The following CLCN3 variants were observed in gnomAD, a reference collection of about 807,000 sequenced individuals.
CLCN3 encodes H(+)/Cl(-) exchange transporter 3.
Under a neutral mutation model 83.4 loss-of-function variants are expected in CLCN3, and 16 were observed. The ratio of observed to expected loss-of-function variants is 0.19; its 90% CI spans 0.13 to 0.29. CLCN3 has a LOEUF of 0.29. Among genes scored for constraint, CLCN3 ranks in the 10% least tolerant of loss-of-function variants. The pLI is 1.00. For missense variants in CLCN3, 544 were observed against 1,006.0 expected, an observed-to-expected ratio of 0.54 and a Z score of 6.21; for synonymous variants, 322 against 346.2, an observed-to-expected ratio of 0.93 and a Z score of 0.78.
chr4:169,720,158 C>T lies in CLCN3; in HGVS notation c.*161C>T. 9.7e-7 allele frequency: 1 copy of T among 1,029,414 alleles called. No individual in the cohort carries two copies. Among genetic ancestry groups the T allele is most frequent in the Admixed American group, 2.4e-5 (1 of 41,666 alleles). The allele number at this position is 1,029,414 out of a possible 1,614,324, so 63.8% of individuals were successfully genotyped here. On this transcript the variant is annotated 3_prime_UTR_variant, in exon 13 of 13. Transcript: ENST00000513761. Reference sequence around the variant, plus strand: ...TTTGCAACATGGTTTGCAAATAATGCTGGTGGAATGGAGGAGTTGTTTGGG... The same window carrying T: ...TTTGCAACATGGTTTGCAAATAATGTTGGTGGAATGGAGGAGTTGTTTGGG...
chr4:169,660,483 G>T (rs1348953542), intron 2 of CLCN3: 51 of 1,289,170 alleles, frequency 4.0e-5, no homozygotes, highest in Non-Finnish European at 4.5e-5. Flanking sequence ...TTCTCTGTTG[G>T]TATGTTTTGC....
intron 12 of CLCN3, among the ~76,000 whole-genome samples, chr4:169,719,466 A>AAAATAAAT (rs901712469): frequency 1.4e-4 from 22 of 152,330 alleles, no homozygotes; most frequent in African/African-American, 5.3e-4. Context: ...TCTGTCTCAA[A>AAAATAAAT]AAATAAATAA....
chr4:169,647,044 A>G (rs1429682930), intron 2 of CLCN3, among the ~76,000 whole-genome samples: 1 of 152,174 alleles, frequency 6.6e-6, no homozygotes, highest in Non-Finnish European at 1.5e-5. Flanking sequence ...TATCAAACAG[A>G]CTACCTACAT....
At chr4:169,663,310 T>G (rs528180847) in intron 2 of CLCN3, among the ~76,000 whole-genome samples, 11,358 of 47,544 alleles carry the variant, frequency 0.24, 1,393 homozygotes, top group African/African-American at 0.38. Context: ...CCTAAGTGGG[T>G]TTTTTTGTTG....
At chr4:169,671,801 G>C (rs1481079628) in intron 2 of CLCN3, among the ~76,000 whole-genome samples, 1 of 152,108 alleles carries the variant, frequency 6.6e-6, no homozygotes, top group East Asian at 1.9e-4. Context: ...TAAGGAACTT[G>C]CTTAGTCTTT....
chr4:169,656,865 T>C, intron 2 of CLCN3, among the ~76,000 whole-genome samples: 1 of 152,112 alleles, frequency 6.6e-6, no homozygotes, highest in East Asian at 1.9e-4. Flanking sequence ...TCACTTGAGC[T>C]AGGGGGTCGA....
intron 2 of CLCN3, among the ~76,000 whole-genome samples, chr4:169,654,957 G>A (rs546051107): frequency 6.6e-6 from 1 of 152,070 alleles, no homozygotes; most frequent in Admixed American, 6.5e-5. Context: ...CACTGTATTT[G>A]CACATTTATC....
At chr4:169,684,387 G>A (rs2173825) in intron 3 of CLCN3, among the ~76,000 whole-genome samples, 17,606 of 152,004 alleles carry the variant, frequency 0.12, 1,129 homozygotes, top group East Asian at 0.17. Flanking sequence ...TTGCTTGTTT[G>A]GTTGTTTTTT....
At chr4:169,677,351 A>G (rs1330530261) in intron 2 of CLCN3, among the ~76,000 whole-genome samples, 2 of 152,220 alleles carry the variant, frequency 1.3e-5, no homozygotes, top group African/African-American at 4.8e-5. Flanking sequence ...TTGTAAATAA[A>G]GTTTTATCAG....
chr4:169,657,231 T>A (rs958117614), intron 2 of CLCN3, among the ~76,000 whole-genome samples: 1 of 152,158 alleles, frequency 6.6e-6, no homozygotes, highest in African/African-American at 2.4e-5. Flanking sequence ...TAAAATCAAA[T>A]ATCTTGTGTT....
At chr4:169,664,042 C>T (rs1357458272) in intron 2 of CLCN3, among the ~76,000 whole-genome samples, 1 of 152,148 alleles carries the variant, frequency 6.6e-6, no homozygotes, top group Non-Finnish European at 1.5e-5. Flanking sequence ...ATAGGGCATT[C>T]CTGGTGGATA....
intron 2 of CLCN3, among the ~76,000 whole-genome samples, chr4:169,644,298 C>G (rs376305412): frequency 6.6e-5 from 10 of 150,434 alleles, no homozygotes; most frequent in East Asian, 5.8e-4. Context: ...TGGAGTCTCC[C>G]TCTGTTGCCC....
chr4:169,625,962 G>A (rs912706373), intron 1 of CLCN3, among the ~76,000 whole-genome samples: 3 of 152,134 alleles, frequency 2.0e-5, no homozygotes, highest in Non-Finnish European at 2.9e-5. Flanking sequence ...GGTGCCCCCC[G>A]GTTCCAATAC....
At chr4:169,629,743 G>T (rs1434578933) in intron 1 of CLCN3, among the ~76,000 whole-genome samples, 3 of 152,106 alleles carry the variant, frequency 2.0e-5, no homozygotes, top group Admixed American at 2.0e-4. Flanking sequence ...CTCATGACAC[G>T]TTCTACAATG....
intron 1 of CLCN3, among the ~76,000 whole-genome samples, chr4:169,627,961 G>A (rs756624784): frequency 7.2e-5 from 11 of 152,148 alleles, no homozygotes; most frequent in African/African-American, 1.4e-4. Context: ...ACACAGATCC[G>A]TGGAACAGAA....
chr4:169,663,314 T>TTTGTTG (rs71590022), intron 2 of CLCN3, among the ~76,000 whole-genome samples: 13 of 131,106 alleles, frequency 9.9e-5, no homozygotes, highest in African/African-American at 4.7e-4. Context: ...AGTGGGTTTT[T>TTTGTTG]TTGTTGTTGT....
chr4:169,659,103 A>G (rs1005138625), intron 2 of CLCN3, among the ~76,000 whole-genome samples: 1 of 152,108 alleles, frequency 6.6e-6, no homozygotes, highest in Non-Finnish European at 1.5e-5. Context: ...AACAAATTTT[A>G]TAGAACCCTT....
At chr4:169,702,987 G>A (rs898238429) in intron 9 of CLCN3, among the ~76,000 whole-genome samples, 3 of 152,250 alleles carry the variant, frequency 2.0e-5, no homozygotes, top group African/African-American at 7.2e-5. Flanking sequence ...AGAAGAGGGA[G>A]AGACAGGGGA....
At chr4:169,633,249 G>A (rs1560827648) in intron 1 of CLCN3, among the ~76,000 whole-genome samples, 1 of 152,148 alleles carries the variant, frequency 6.6e-6, no homozygotes. Context: ...GACCTCAAGC[G>A]ATCCAGCTGC....
Sources: gnomAD v4.1 joint callset for allele counts (sites outside exome capture counted in the v4.1 genomes callset) on GRCh38, gnomAD v4.1.1 for gene constraint, MANE v1.5 for transcripts, NCBI Gene and HGNC (gene_info 2026-07-23, HGNC 2026-07-21) for gene names.